Variants in HTRA1 observed in about 807,000 individuals in gnomAD.
The protein encoded by HTRA1 is HtrA serine peptidase 1.
Under a neutral mutation model 49.7 loss-of-function variants are expected in HTRA1, and 26 were observed. The ratio of observed to expected loss-of-function variants is 0.52; its 90% CI spans 0.38 to 0.73. The LOEUF is 0.73. Among genes scored for constraint, HTRA1 ranks in the 30% least tolerant of loss-of-function variants. The pLI, the probability that HTRA1 is intolerant of heterozygous loss-of-function variation, is 0.00. For missense variants in HTRA1, 561 were observed against 667.2 expected (o/e 0.84, Z 1.75); for synonymous variants, 291 against 286.9 (o/e 1.01, Z -0.14).
At chr10:122,475,223 T>A (rs1486048542) in intron 1 of HTRA1, among the ~76,000 whole-genome samples, 2 of 152,222 alleles carry the variant, frequency 1.3e-5, no homozygotes, top group Non-Finnish European at 2.9e-5. Flanking sequence ...CAACAGTTAC[T>A]GCTCAAGGCA....
intron 3 of HTRA1, among the ~76,000 whole-genome samples, chr10:122,503,302 C>T (rs925957416): frequency 8.5e-5 from 13 of 152,212 alleles, no homozygotes; most frequent in Admixed American, 5.2e-4. Flanking sequence ...TGCTCAATTA[C>T]CGAGTAGGAA....
At chr10:122,500,473 C>G (rs998626865) in intron 3 of HTRA1, among the ~76,000 whole-genome samples, 4 of 152,148 alleles carry the variant, frequency 2.6e-5, no homozygotes, top group African/African-American at 9.7e-5. Context: ...TTTAGAGGTG[C>G]TAAAACCGCA....
intron 1 of HTRA1, among the ~76,000 whole-genome samples, chr10:122,473,827 CAAAG>C (rs2097487243): frequency 6.6e-6 from 1 of 152,178 alleles, no homozygotes; most frequent in Non-Finnish European, 1.5e-5. Flanking sequence ...TAAATGGAAT[CAAAG>C]AATACGTAAC....
intron 6 of HTRA1, 95 bp from the exon 7 acceptor site, chr10:122,510,001 C>T: frequency 9.6e-7 from 1 of 1,042,154 alleles, no homozygotes. Context: ...TGTGGCCCTT[C>T]CTGCAACCTG....
Position 122,490,722 on chromosome 10 carries a change from C to A in HTRA1, c.777+1096C>A, listed in dbSNP as rs1320592173. ...AATTCCAGACAAGCGTGGAATTAAT[C>A]TGGCTGTTTGTGCTGTTCAGTGGCA... On this transcript the variant is annotated intron_variant, in intron 3 of 8. Coordinates refer to ENST00000368984, the MANE Select transcript of HTRA1 (RefSeq NM_002775.5). This position sits in a 1 kb window ranked among gnomAD's most constrained non-coding sequence, Gnocchi z 4.2. 6.6e-6 allele frequency among the ~76,000 whole-genome samples: 1 copy of A among 152,184 alleles called. No individual in the cohort carries two copies. The highest frequency in any genetic ancestry group is 1.9e-4 in the East Asian group (1 of 5,194).
rs112313283 is a variant in HTRA1, at chr10:122,508,994, A to G, written c.1120+224A>G. Among the ~76,000 whole-genome samples the G allele has an allele frequency of 6.8e-3, 1,036 of 152,324 alleles. 14 individuals are homozygous for G. The highest frequency in any genetic ancestry group is 0.024 in the African/African-American group (992 of 41,566). On this transcript the variant is annotated intron_variant, in intron 6 of 8. Coordinates refer to ENST00000368984, the MANE Select transcript of HTRA1 (RefSeq NM_002775.5). ...TGGCAATGTCACTTGAGTCAGTCTA[A>G]TATGTACCAGGCATGATCCTAGGTG...
intron 3 of HTRA1, among the ~76,000 whole-genome samples, chr10:122,497,384 A>C (rs540540319): frequency 3.5e-4 from 54 of 152,360 alleles, no homozygotes; most frequent in Non-Finnish European, 4.9e-4. Context: ...TTTTAAAATA[A>C]ATCTGAAAAG....
At chr10:122,501,653 C>T (rs1431716436) in intron 3 of HTRA1, among the ~76,000 whole-genome samples, 2 of 152,150 alleles carry the variant, frequency 1.3e-5, no homozygotes, top group Non-Finnish European at 2.9e-5. Context: ...TTCCCTCCTC[C>T]AACGAGTGCT....
At position 122,490,750 on chromosome 10, in the gene HTRA1, C is replaced by T. The variant is rs2133439444; in HGVS notation, c.777+1124C>T. Among the ~76,000 whole-genome samples, 1 of 152,322 alleles carries T rather than the reference C, an allele frequency of 6.6e-6. No individual in the cohort carries two copies. Among genetic ancestry groups the T allele is most frequent in the South Asian group, 2.1e-4 (1 of 4,820 alleles). ...GCTGTTTGTGCTGTTCAGTGGCACG[C>T]TGGTTACACCTCCTTCTGGAAACAA... On this transcript the variant is annotated intron_variant, in intron 3 of 8. Transcript: ENST00000368984. The surrounding 1 kb of genome is among the most constrained non-coding windows in gnomAD (Gnocchi z 4.2).
At chr10:122,473,848 C>T (rs955902770) in intron 1 of HTRA1, among the ~76,000 whole-genome samples, 19 of 152,218 alleles carry the variant, frequency 1.2e-4, no homozygotes, top group Admixed American at 2.0e-4. Flanking sequence ...TAACGGGCTT[C>T]TGTCTCTTAG....
intron 1 of HTRA1, among the ~76,000 whole-genome samples, chr10:122,486,491 C>T (rs541403305): frequency 6.6e-6 from 1 of 152,216 alleles, no homozygotes; most frequent in East Asian, 1.9e-4. Context: ...AGAAAACGGC[C>T]CTTTGTTCAC....
Position 122,511,992 on chromosome 10 carries a change from C to T in HTRA1, c.1201C>T (p.Arg401Trp), listed in dbSNP as rs148323503. The change falls in exon 8 of 9, where the codon CGG (arginine) becomes TGG (tryptophan). Residue 401 changes from arginine to tryptophan, a missense_variant. By Grantham distance (101) the Arg-to-Trp change is moderately radical (BLOSUM62 -3). Around this residue, in one of 3 missense-constraint regions of HTRA1, gnomAD observed 179 missense variants for 173.4 expected, o/e 1.03. Coordinates refer to ENST00000368984, the MANE Select transcript of HTRA1 (RefSeq NM_002775.5). The stretch of plus-strand genomic sequence containing the variant: ...CAGCAAAGCCAAAGAGCTGAAGGAC[C>T]GGCACCGGGACTTCCCAGACGTGAT... ...TSSKAKELKDRHRDFPDVISG... is the reference protein window; with the variant it reads ...TSSKAKELKDWHRDFPDVISG... 67 of 1,613,666 alleles carry T rather than the reference C, an allele frequency of 4.2e-5. No individual in the cohort carries two copies. Among genetic ancestry groups the T allele is most frequent in the Middle Eastern group, 1.7e-4 (1 of 6,052 alleles).
chr10:122,478,767 A>G (rs2097489751), intron 1 of HTRA1, among the ~76,000 whole-genome samples: 1 of 152,058 alleles, frequency 6.6e-6, no homozygotes, highest in East Asian at 1.9e-4. Flanking sequence ...CTAAATCTGG[A>G]TTTGGGGTAT....
chr10:122,502,595 G>C (rs908047511), intron 3 of HTRA1, among the ~76,000 whole-genome samples: 1 of 152,198 alleles, frequency 6.6e-6, no homozygotes, highest in African/African-American at 2.4e-5. Context: ...TCTGTTAAGA[G>C]GACACTATTT....
In HTRA1 at chr10:122,488,997, C is replaced by T. The variant is rs1565422018; in HGVS notation, c.568C>T (p.Arg190Cys). The T allele has an allele frequency of 1.2e-6, 2 of 1,611,642 alleles. No homozygotes were observed. The highest frequency in any genetic ancestry group is 1.7e-6 in the Non-Finnish European group (2 of 1,177,768). The change falls in exon 2 of 9, where the codon CGC becomes TGC. Residue 190 changes from arginine (R) to cysteine (C), a missense_variant. Coordinates refer to ENST00000368984, the MANE Select transcript of HTRA1 (RefSeq NM_002775.5). ...TGCCGTGGTTCATATCGAATTGTTT[C>T]GCAAGTAAAGAGAGCCTTCCTTTTT... ...APAVVHIELF[R>C]KLPFSKREVP...
At chr10:122,496,225 G>GTTTTGTTTT (rs1287521208) in intron 3 of HTRA1, among the ~76,000 whole-genome samples, 3 of 80,408 alleles carry the variant, frequency 3.7e-5, no homozygotes, top group African/African-American at 1.5e-4. Context: ...GAGATTGTGG[G>GTTTTGTTTT]TTCTTTTTTT....
chr10:122,479,431 ATG>A (rs1475665364), intron 1 of HTRA1, among the ~76,000 whole-genome samples: 23 of 152,308 alleles, frequency 1.5e-4, no homozygotes, highest in Non-Finnish European at 3.4e-4. Context: ...TAGACTGGTG[ATG>A]AGATGCACCC....
intron 8 of HTRA1, among the ~76,000 whole-genome samples, chr10:122,512,537 T>C (rs1271711305): frequency 1.3e-5 from 2 of 152,124 alleles, no homozygotes; most frequent in African/African-American, 2.4e-5. Context: ...AAGAAGTAGC[T>C]CAACCATCCA....
chr10:122,505,530 C>T (rs2097502676), intron 3 of HTRA1, among the ~76,000 whole-genome samples: 1 of 152,150 alleles, frequency 6.6e-6, no homozygotes, highest in Admixed American at 6.5e-5. Flanking sequence ...CCCTCAGTTT[C>T]CTCATCTGTT....
Sources: allele counts gnomAD v4.1 joint callset (sites outside exome capture counted in the v4.1 genomes callset), GRCh38; gene constraint gnomAD v4.1.1; regional missense constraint gnomAD v4.1.1; non-coding constraint Gnocchi (gnomAD v3.1); transcripts MANE v1.5; gene names NCBI Gene and HGNC (gene_info 2026-07-23, HGNC 2026-07-21).